The following GPM6A variants were observed in gnomAD, a reference collection of about 807,000 sequenced individuals.
GPM6A encodes neuronal membrane glycoprotein M6-a.
In GPM6A, 7 loss-of-function variants were observed where a neutral mutation model predicts 32.1. That is an observed-to-expected ratio of 0.22 (90% CI 0.12 to 0.41). GPM6A has a LOEUF of 0.41. Among genes scored for constraint, GPM6A ranks in the 10% least tolerant of loss-of-function variants. GPM6A has a pLI of 1.00. For missense variants in GPM6A, 235 were observed against 347.2 expected (o/e 0.68, Z 2.57); for synonymous variants, 130 against 123.4 (o/e 1.05, Z -0.35).
chr4:175,999,170 A>C (rs2126474040), intron 1 of GPM6A, among the ~76,000 whole-genome samples: 1 of 152,354 alleles, frequency 6.6e-6, no homozygotes, highest in South Asian at 2.1e-4. Context: ...TCATAGTGAT[A>C]TACATGTAGT....
intron 1 of GPM6A, among the ~76,000 whole-genome samples, chr4:175,771,355 T>C (rs1171344172): frequency 1.3e-5 from 2 of 152,036 alleles, no homozygotes; most frequent in African/African-American, 4.8e-5. Context: ...AGGGGGATCA[T>C]GAGGTCAAGA....
chr4:175,714,988 C>T (rs1212324130), intron 1 of GPM6A, among the ~76,000 whole-genome samples: 1 of 138,954 alleles, frequency 7.2e-6, no homozygotes, highest in Non-Finnish European at 1.5e-5. Context: ...AAAACAATCC[C>T]TGGAAGAAAA....
At chr4:175,811,867 T>A (rs998240781) in intron 1 of GPM6A, 6 of 201,090 alleles carry the variant, frequency 3.0e-5, no homozygotes, top group African/African-American at 1.4e-4. Context: ...TAGGGATCCC[T>A]TGACCCAGCT....
At chr4:175,942,182 T>A (rs895685320) in intron 1 of GPM6A, among the ~76,000 whole-genome samples, 3 of 152,166 alleles carry the variant, frequency 2.0e-5, no homozygotes, top group Non-Finnish European at 4.4e-5. Context: ...TGTCTTCTTT[T>A]GAGAAGTGTA....
At chr4:175,986,029 C>A (rs1740963670) in intron 1 of GPM6A, among the ~76,000 whole-genome samples, 1 of 151,946 alleles carries the variant, frequency 6.6e-6, no homozygotes. Flanking sequence ...TGGTCTCGAA[C>A]TCTTGACCTT....
At chr4:175,893,745 C>T (rs888097863) in intron 1 of GPM6A, among the ~76,000 whole-genome samples, 1 of 152,086 alleles carries the variant, frequency 6.6e-6, no homozygotes, top group East Asian at 1.9e-4. Flanking sequence ...AATCTAGTTA[C>T]GTTTCCTAAC....
At chr4:175,909,430 A>G (rs1045892031) in intron 1 of GPM6A, among the ~76,000 whole-genome samples, 5 of 152,298 alleles carry the variant, frequency 3.3e-5, no homozygotes, top group African/African-American at 1.2e-4. Flanking sequence ...GAGTAAGTTT[A>G]CCATACTTAT....
intron 1 of GPM6A, among the ~76,000 whole-genome samples, chr4:175,810,363 C>A (rs1001498406): frequency 7.2e-5 from 11 of 152,256 alleles, no homozygotes; most frequent in African/African-American, 2.6e-4. Context: ...TATTCATATA[C>A]ATTTACAAAC....
intron 1 of GPM6A, among the ~76,000 whole-genome samples, chr4:175,942,035 G>A (rs190033859): frequency 1.3e-5 from 2 of 152,272 alleles, no homozygotes; most frequent in African/African-American, 4.8e-5. Context: ...ATCTTCTCCA[G>A]CATCTGTTGT....
At chr4:175,731,342 G>T (rs80030359) in intron 1 of GPM6A, among the ~76,000 whole-genome samples, 3,753 of 151,908 alleles carry the variant, frequency 0.025, 76 homozygotes, top group Non-Finnish European at 0.034. Flanking sequence ...CCACACCTCC[G>T]CCACACCTTC....
At chr4:175,927,087 G>A (rs1235233260) in intron 1 of GPM6A, among the ~76,000 whole-genome samples, 1 of 152,210 alleles carries the variant, frequency 6.6e-6, no homozygotes, top group Non-Finnish European at 1.5e-5. Context: ...TTTAAAATAA[G>A]TGTACACCTG....
At chr4:175,649,471 T>A (rs1024042774) in intron 4 of GPM6A, among the ~76,000 whole-genome samples, 1 of 152,190 alleles carries the variant, frequency 6.6e-6, no homozygotes, top group Non-Finnish European at 1.5e-5. Context: ...TAAATATTAT[T>A]TTTCTAGAGT....
chr4:175,691,540 C>T (rs926529827), intron 2 of GPM6A, among the ~76,000 whole-genome samples: 4 of 152,132 alleles, frequency 2.6e-5, no homozygotes, highest in African/African-American at 4.8e-5. Flanking sequence ...ACTTTGAAAA[C>T]TTCCTTTTAA....
intron 1 of GPM6A, among the ~76,000 whole-genome samples, chr4:175,882,227 T>TCTCA (rs1322444633): frequency 6.6e-6 from 1 of 152,030 alleles, no homozygotes; most frequent in Non-Finnish European, 1.5e-5. Context: ...TATCAATTAC[T>TCTCA]ATTTTTAGTC....
At chr4:175,701,422 A>G (rs530214295) in intron 2 of GPM6A, among the ~76,000 whole-genome samples, 153 bp downstream of exon 2, 17 of 152,336 alleles carry the variant, frequency 1.1e-4, no homozygotes, top group Middle Eastern at 3.4e-3. Context: ...GAAGGCAATC[A>G]TGAATCATGA....
chr4:175,840,250 G>A (rs1265467419), intron 1 of GPM6A, among the ~76,000 whole-genome samples: 1 of 152,138 alleles, frequency 6.6e-6, no homozygotes, highest in African/African-American at 2.4e-5. Flanking sequence ...AATCTTTAAA[G>A]TATTTACTTA....
chr4:175,878,007 T>A (rs1737140981), intron 1 of GPM6A, among the ~76,000 whole-genome samples: 1 of 152,126 alleles, frequency 6.6e-6, no homozygotes, highest in Non-Finnish European at 1.5e-5. Context: ...CCCCAGCAAG[T>A]CCAAAATCCA....
At chr4:175,909,073 T>C (rs1480811088) in intron 1 of GPM6A, among the ~76,000 whole-genome samples, 1 of 145,016 alleles carries the variant, frequency 6.9e-6, no homozygotes, top group African/African-American at 2.6e-5. Context: ...ATAACCAACT[T>C]AATCAGGTCT....
At chr4:175,714,926 T>G (rs1745757001) in intron 1 of GPM6A, among the ~76,000 whole-genome samples, 1 of 148,114 alleles carries the variant, frequency 6.8e-6, no homozygotes, top group Admixed American at 6.8e-5. Context: ...CTGTGATACA[T>G]AAGCCCCTAG....
Sources: allele counts gnomAD v4.1 joint callset (sites outside exome capture counted in the v4.1 genomes callset), GRCh38; gene constraint gnomAD v4.1.1; transcripts MANE v1.5; gene names NCBI Gene and HGNC (gene_info 2026-07-23, HGNC 2026-07-21).